Variants in KSR2 observed in about 807,000 individuals in gnomAD.
KSR2 encodes the protein kinase suppressor of ras 2.
KSR2 carries 25 observed loss-of-function variants against 107.8 expected under a neutral mutation model. That is an observed-to-expected ratio of 0.23 (90% CI 0.17 to 0.32). The LOEUF is 0.32. Ranked by LOEUF, KSR2 falls within the 10% of genes least tolerant of loss-of-function variation. KSR2 has a pLI of 1.00. For missense variants in KSR2, 887 were observed against 1,268.9 expected (o/e 0.70, Z 4.57); for synonymous variants, 480 against 507.0 (o/e 0.95, Z 0.71).
intron 1 of KSR2, among the ~76,000 whole-genome samples, chr12:117,952,400 G>A (rs932569032): frequency 6.6e-6 from 1 of 152,064 alleles, no homozygotes; most frequent in South Asian, 2.1e-4. Flanking sequence ...TGTAATCCCA[G>A]CACTTTGGGA....
chr12:117,785,975 A>T (rs76100125), intron 3 of KSR2, among the ~76,000 whole-genome samples: 5,371 of 152,342 alleles, frequency 0.035, 132 homozygotes, highest in Middle Eastern at 0.054. Flanking sequence ...AAAGCTCAGC[A>T]AACCCCACAT....
chr12:117,684,085 G>C (rs1352915309), intron 4 of KSR2, among the ~76,000 whole-genome samples: 1 of 152,146 alleles, frequency 6.6e-6, no homozygotes, highest in Non-Finnish European at 1.5e-5. Context: ...AACACTAAGA[G>C]TAGCCCCTGA....
At chr12:117,710,723 C>T (rs1359963378) in intron 4 of KSR2, among the ~76,000 whole-genome samples, 3 of 152,052 alleles carry the variant, frequency 2.0e-5, no homozygotes, top group Admixed American at 6.6e-5. Flanking sequence ...AGCTCAGGGT[C>T]TAATACATAG....
chr12:117,495,561 T>A (rs1242289189), intron 14 of KSR2, among the ~76,000 whole-genome samples: 1 of 152,222 alleles, frequency 6.6e-6, no homozygotes, highest in Non-Finnish European at 1.5e-5. Flanking sequence ...GACAGTGGCC[T>A]GCCAGGCATC....
chr12:117,883,414 T>C (rs576801133), intron 1 of KSR2, among the ~76,000 whole-genome samples: 4 of 152,316 alleles, frequency 2.6e-5, no homozygotes, highest in Middle Eastern at 3.4e-3. Context: ...GTGTCAACCA[T>C]TGGGCTAAAT....
At chr12:117,936,524 T>TAGTAGTAGTAG (rs1566089563) in intron 1 of KSR2, among the ~76,000 whole-genome samples, 93 of 93,792 alleles carry the variant, frequency 9.9e-4, no homozygotes, top group Non-Finnish European at 1.3e-3. Flanking sequence ...ATTATTATTA[T>TAGTAGTAGTAG]TATTATTATT....
At chr12:117,793,041 C>T (rs1203440503) in intron 3 of KSR2, among the ~76,000 whole-genome samples, 3 of 146,020 alleles carry the variant, frequency 2.1e-5, no homozygotes, top group Non-Finnish European at 4.5e-5. Context: ...CATGCACACA[C>T]GCTCACATCA....
At chr12:117,821,843 G>A (rs549249805) in intron 3 of KSR2, among the ~76,000 whole-genome samples, 16 of 152,272 alleles carry the variant, frequency 1.1e-4, no homozygotes, top group African/African-American at 3.1e-4. Flanking sequence ...TGTCAGAGGC[G>A]TTTGACCTAG....
rs1877563766 is a variant in KSR2 at position 117,555,049 on chromosome 12, G to C, written c.1518+120C>G. 10 of 1,186,946 alleles carry C rather than the reference G, an allele frequency of 8.4e-6. No individual in the cohort carries two copies. In the Admixed American group the frequency reaches 1.9e-4, roughly 23 times the overall value. The allele number at this position is 1,186,946 out of a possible 1,614,324, so 73.5% of individuals were successfully genotyped here. ...ACTCAACACAAACATCACAGAATTAGGGGAGCCGAGACGGGCTAGGAGGGA... is the reference window on the plus strand; with the variant it reads ...ACTCAACACAAACATCACAGAATTACGGGAGCCGAGACGGGCTAGGAGGGA... On this transcript the variant is annotated intron_variant, in intron 9 of 19. Coordinates refer to ENST00000339824, the MANE Select transcript of KSR2 (RefSeq NM_173598.6).
intron 2 of KSR2, among the ~76,000 whole-genome samples, chr12:117,859,039 G>A (rs1364144781): frequency 6.6e-6 from 1 of 151,898 alleles, no homozygotes; most frequent in African/African-American, 2.4e-5. Flanking sequence ...TGTTAAGAAC[G>A]TGGTCTAATC....
chr12:117,701,252 C>A (rs1267648172), intron 4 of KSR2, among the ~76,000 whole-genome samples: 10 of 152,108 alleles, frequency 6.6e-5, no homozygotes, highest in African/African-American at 1.9e-4. Flanking sequence ...ACCACCACAC[C>A]CAGCTAATTT....
chr12:117,767,561 A>G (rs952378173), intron 3 of KSR2, among the ~76,000 whole-genome samples: 1 of 151,952 alleles, frequency 6.6e-6, no homozygotes, highest in African/African-American at 2.4e-5. Flanking sequence ...GCACTTCGGA[A>G]GGCCAAGGTG....
intron 4 of KSR2, among the ~76,000 whole-genome samples, chr12:117,744,062 C>A (rs1320026178): frequency 6.6e-6 from 1 of 152,168 alleles, no homozygotes; most frequent in Non-Finnish European, 1.5e-5. Context: ...CCATCTGATT[C>A]CTATAGCATT....
At chr12:117,849,258 A>G (rs896056362) in intron 3 of KSR2, among the ~76,000 whole-genome samples, 2 of 152,208 alleles carry the variant, frequency 1.3e-5, no homozygotes, top group African/African-American at 4.8e-5. Context: ...CACACACTGC[A>G]TAAGGTACGT....
chr12:117,731,200 AC>A (rs1887670008), intron 4 of KSR2, among the ~76,000 whole-genome samples: 1 of 107,492 alleles, frequency 9.3e-6, no homozygotes, highest in African/African-American at 3.8e-5. Context: ...CCCGGCCGCC[AC>A]CCCGTCTGGG....
Position 117,579,124 on chromosome 12 carries a change from G to A in KSR2, c.1320C>T (p.Asn440=). 1 of 1,612,894 alleles carries A rather than the reference G, an allele frequency of 6.2e-7. No homozygotes were observed. Among genetic ancestry groups the A allele is most frequent in the Non-Finnish European group, 8.5e-7 (1 of 1,179,330 alleles). The change falls in exon 7 of 20, where the codon AAC becomes AAT. Residue 440 remains asparagine (N), a synonymous_variant. Coordinates refer to ENST00000339824, the MANE Select transcript of KSR2 (RefSeq NM_173598.6). The part of the protein sequence containing the change: ...KGMLFGLKCK[N]CKLKCHNKCT... ...TGCAGGGCACAGTCACTTACTTGCA[G>A]TTTTTACACTTGAGGCCAAAAAGCA... is the stretch of plus-strand genomic sequence containing the variant.
In KSR2 at chr12:117,567,434, G is replaced by GC. The variant is rs199513750; in HGVS notation, c.1326-8862dup. Among the ~76,000 whole-genome samples the GC allele has an allele frequency of 4.4e-3, 674 of 152,218 alleles. 1 individual carries two copies. Among genetic ancestry groups the GC allele is most frequent in the African/African-American group, 0.016 (647 of 41,528 alleles). ...GGGGACAGAGGAGTAAGCAAACATG[G>GC]CGCGCGGTCTCGTCATGAAGTTGGA... On this transcript the variant is annotated intron_variant, in intron 7 of 19. Coordinates refer to ENST00000339824, the MANE Select transcript of KSR2 (RefSeq NM_173598.6).
intron 5 of KSR2, among the ~76,000 whole-genome samples, chr12:117,615,067 C>A (rs549549821): frequency 1.3e-5 from 2 of 152,094 alleles, no homozygotes; most frequent in South Asian, 4.2e-4. Context: ...ATCCAGGGTA[C>A]CCTTGGCCCC....
At chr12:117,694,852 T>C (rs142988860) in intron 4 of KSR2, among the ~76,000 whole-genome samples, 58 of 143,960 alleles carry the variant, frequency 4.0e-4, no homozygotes, top group African/African-American at 5.6e-4. Flanking sequence ...ATTCTTTTTT[T>C]TTTTTTTTTT....
Sources: gnomAD v4.1 joint callset for allele counts (sites outside exome capture counted in the v4.1 genomes callset) on GRCh38, gnomAD v4.1.1 for gene constraint, MANE v1.5 for transcripts, NCBI Gene and HGNC (gene_info 2026-07-23, HGNC 2026-07-21) for gene names.